SPEN: variants seen among roughly 807,000 people sequenced by gnomAD.
SPEN encodes the protein spen family transcriptional repressor.
In SPEN, 18 loss-of-function variants were observed where a neutral mutation model predicts 269.9. That is an observed-to-expected ratio of 0.07 (90% CI 0.05 to 0.10). The LOEUF (loss-of-function observed/expected upper bound fraction) is 0.10. SPEN is among the 10% of genes least tolerant of loss of function. SPEN has a pLI of 1.00. For synonymous variants in SPEN, 1,726 were observed against 1,765.7 expected, an observed-to-expected ratio of 0.98 and a Z score of 0.56; for missense variants, 3,822 against 4,631.2, an observed-to-expected ratio of 0.83 and a Z score of 5.07.
At position 15,930,737 on chromosome 1, in the gene SPEN, A is replaced by G; in HGVS notation, c.4497A>G (p.Lys1499=). 6.2e-7 allele frequency: 1 copy of G among 1,614,018 alleles called. No homozygotes were observed. The highest frequency in any genetic ancestry group is 8.5e-7 in the Non-Finnish European group (1 of 1,179,992). ...CATCCTGGTACATGAAAAAGAAGAA[A>G]ATTAGGACTGATTCAGAAGGGAAAA... ...PIPSWYMKKK[K]IRTDSEGKMD... is the part of the protein sequence containing the mutation. Residue 1499 remains lysine, a synonymous_variant, in exon 11 of 15, where the codon AAA becomes AAG. Transcript: ENST00000375759. This position sits in a 1 kb window ranked among gnomAD's most constrained non-coding sequence, Gnocchi z 5.3.
At chr1:15,898,635 C>T (rs1480094110) in intron 3 of SPEN, among the ~76,000 whole-genome samples, 1 of 150,102 alleles carries the variant, frequency 6.7e-6, no homozygotes, top group African/African-American at 2.4e-5. Flanking sequence ...TCTTGGCTCA[C>T]TGCAACCTCC....
chr1:15,886,557 T>C (rs183878428), intron 3 of SPEN, among the ~76,000 whole-genome samples: 2 of 152,312 alleles, frequency 1.3e-5, no homozygotes, highest in East Asian at 3.9e-4. Flanking sequence ...TTAGTGTTCC[T>C]GGAGAGGAGG....
intron 10 of SPEN, among the ~76,000 whole-genome samples, chr1:15,926,056 G>A (rs2071162917): frequency 6.6e-6 from 1 of 152,082 alleles, no homozygotes; most frequent in South Asian, 2.1e-4. Context: ...AAATATCATA[G>A]ATACACAATA....
intron 6 of SPEN, 98 bp from the exon 7 acceptor site, chr1:15,918,828 C>T (rs747895760): frequency 9.1e-5 from 89 of 980,316 alleles, no homozygotes; most frequent in Non-Finnish European, 1.3e-4. Context: ...TGATTGAGAA[C>T]ATGACTTTTT....
chr1:15,882,895 C>G (rs570651046), intron 3 of SPEN, among the ~76,000 whole-genome samples: 132 of 152,234 alleles, frequency 8.7e-4, no homozygotes, highest in Non-Finnish European at 1.4e-3. Context: ...CCACAGCCCC[C>G]CTGGGGCTCT....
rs749861877 is a variant in SPEN at position 15,931,865 on chromosome 1, T to A, written c.5625T>A (p.Ile1875=). The A allele has an allele frequency of 5.0e-6, 8 of 1,614,046 alleles. No individual in the cohort carries two copies. In the East Asian group the frequency reaches 1.8e-4, roughly 36 times the overall value. Residue 1875 remains isoleucine, a synonymous_variant, in exon 11 of 15, where the codon ATT becomes ATA. Coordinates refer to ENST00000375759, the MANE Select transcript of SPEN (RefSeq NM_015001.3). This position sits in a 1 kb window ranked among gnomAD's most constrained non-coding sequence, Gnocchi z 4.8. ...AATTGAAGATGGAGGCAGAGAAGAT[T>A]ACAAGGACTGCTTCTAAAAACTCTG... The part of the protein sequence containing the change: ...LLELKMEAEK[I]TRTASKNSAA...
At position 15,934,623 on chromosome 1, in the gene SPEN, G is replaced by A. The variant is rs1362063027; in HGVS notation, c.8383G>A (p.Asp2795Asn). The change falls in exon 11 of 15, where the codon GAT (aspartate) becomes AAT (asparagine). Residue 2795 changes from aspartate (D) to asparagine (N), a missense_variant. Around this residue, in one of 16 missense-constraint regions of SPEN, gnomAD observed 329 missense variants for 431.2 expected, o/e 0.76. Transcript: ENST00000375759. The surrounding 1 kb of genome is among the most constrained non-coding windows in gnomAD (Gnocchi z 9.2). ...FHPGSMPVID[D>N]RPADAGSGAG... ...CCCAGGGTCCATGCCTGTGATCGAC[G>A]ATCGTCCGGCAGACGCGGGCTCAGG... 3.1e-6 allele frequency: 5 copies of A among 1,613,846 alleles called. No homozygotes were observed. The highest frequency in any genetic ancestry group is 1.3e-5 in the African/African-American group (1 of 75,038).
chr1:15,887,556 A>G (rs2070748651), intron 3 of SPEN, among the ~76,000 whole-genome samples: 1 of 151,128 alleles, frequency 6.6e-6, no homozygotes, highest in Non-Finnish European at 1.5e-5. Flanking sequence ...CAGCCTCCCA[A>G]AGTGCTGGGA....
chr1:15,886,974 G>A (rs961627993), intron 3 of SPEN, among the ~76,000 whole-genome samples: 2 of 152,114 alleles, frequency 1.3e-5, no homozygotes, highest in African/African-American at 4.8e-5. Context: ...AATTTACTCT[G>A]GATGATTGAT....
intron 10 of SPEN, among the ~76,000 whole-genome samples, chr1:15,924,292 C>T (rs908247680): frequency 6.6e-5 from 10 of 152,102 alleles, no homozygotes; most frequent in African/African-American, 2.4e-4. Context: ...ACAAGGAATT[C>T]TTATCTATAT....
chr1:15,891,666 G>A (rs990370407), intron 3 of SPEN, among the ~76,000 whole-genome samples: 1 of 151,312 alleles, frequency 6.6e-6, no homozygotes, highest in African/African-American at 2.4e-5. Flanking sequence ...TTTGTTTTTT[G>A]TTTTTAAGCG....
chr1:15,913,910 G>A (rs2071033885), intron 5 of SPEN, among the ~76,000 whole-genome samples: 1 of 152,020 alleles, frequency 6.6e-6, no homozygotes, highest in Non-Finnish European at 1.5e-5. Context: ...CCATTTGGTG[G>A]GAATGAAGCC....
intron 1 of SPEN, among the ~76,000 whole-genome samples, chr1:15,856,513 A>G (rs577981579): frequency 6.7e-6 from 1 of 149,532 alleles, no homozygotes; most frequent in East Asian, 1.9e-4. Flanking sequence ...ATACTTCATT[A>G]TTGTCATCAC....
intron 3 of SPEN, among the ~76,000 whole-genome samples, chr1:15,891,938 T>A (rs2070793504): frequency 6.6e-6 from 1 of 151,422 alleles, no homozygotes; most frequent in African/African-American, 2.4e-5. Flanking sequence ...GTTGGCTACA[T>A]GTTCAAATGA....
At chr1:15,859,630 A>G (rs1302831763) in intron 1 of SPEN, among the ~76,000 whole-genome samples, 1 of 151,812 alleles carries the variant, frequency 6.6e-6, no homozygotes, top group African/African-American at 2.4e-5. Flanking sequence ...CGGCCTCCCA[A>G]AGTGCTGGGA....
intron 3 of SPEN, among the ~76,000 whole-genome samples, chr1:15,889,234 C>T (rs1366725413): frequency 1.5e-5 from 2 of 129,636 alleles, no homozygotes; most frequent in African/African-American, 3.1e-5. Flanking sequence ...GGCTTGATTT[C>T]GCCTTGCTGC....
intron 3 of SPEN, among the ~76,000 whole-genome samples, chr1:15,892,145 C>T (rs1045487883): frequency 6.0e-5 from 9 of 151,178 alleles, no homozygotes; most frequent in Non-Finnish European, 1.2e-4. Flanking sequence ...CTCAGCCTCC[C>T]GAGTAGCTGG....
chr1:15,911,249 A>T lies in SPEN; in HGVS notation c.1191A>T (p.Lys397Asn). 6.2e-7 allele frequency: 1 copy of T among 1,614,166 alleles called. No homozygotes were observed. The highest frequency in any genetic ancestry group is 2.2e-5 in the East Asian group (1 of 44,876). Reference protein sequence around the residue: ...EDQEKALTASKGKLFFGMQIE... With the variant: ...EDQEKALTASNGKLFFGMQIE... ...AAGAAAAAGCCTTGACTGCATCAAA[A>T]GGAAAACTTTTCTTTGGCATGCAGA... is the stretch of plus-strand genomic sequence containing the variant. Residue 397 changes from lysine (K) to asparagine (N), a missense_variant, in exon 5 of 15, where the codon AAA becomes AAT. By Grantham distance (94) the Lys-to-Asn change is moderately conservative (BLOSUM62 0). Around this residue, in one of 16 missense-constraint regions of SPEN, gnomAD observed 230 missense variants for 426.1 expected, o/e 0.54. Coordinates refer to ENST00000375759, the MANE Select transcript of SPEN (RefSeq NM_015001.3).
At chr1:15,889,033 T>G (rs979194635) in intron 3 of SPEN, among the ~76,000 whole-genome samples, 8 of 152,172 alleles carry the variant, frequency 5.3e-5, no homozygotes, top group African/African-American at 1.9e-4. Context: ...TTCTCTATGG[T>G]CATTCTTAGA....
Sources: allele counts gnomAD v4.1 joint callset (sites outside exome capture counted in the v4.1 genomes callset), GRCh38; gene constraint gnomAD v4.1.1; regional missense constraint gnomAD v4.1.1; non-coding constraint Gnocchi (gnomAD v3.1); transcripts MANE v1.5; gene names NCBI Gene and HGNC (gene_info 2026-07-23, HGNC 2026-07-21).